MLYCD: variants seen among roughly 807,000 people sequenced by gnomAD.
MLYCD encodes the protein malonyl-CoA decarboxylase, also known as malonyl-CoA decarboxylase, mitochondrial.
In MLYCD, 27 loss-of-function variants were observed where a neutral mutation model predicts 35.8. The ratio of observed to expected loss-of-function variants is 0.75; its 90% CI spans 0.56 to 1.04. The LOEUF (loss-of-function observed/expected upper bound fraction) is 1.04, where lower values mean the gene tolerates loss of function less well. MLYCD is among the 50% of genes least tolerant of loss of function. MLYCD has a pLI of 0.00. For missense variants in MLYCD, 917 were observed against 665.1 expected, an observed-to-expected ratio of 1.38 and a Z score of -4.17; for synonymous variants, 403 against 302.4, an observed-to-expected ratio of 1.33 and a Z score of -3.45.
Position 83,899,487 on chromosome 16 carries a change from C to G in MLYCD, c.343C>G (p.Gln115Glu). 3 of 1,563,916 alleles carry G rather than the reference C, an allele frequency of 1.9e-6. No individual in the cohort carries two copies. The African/African-American group carries it at 4.2e-5, about 22-fold the overall frequency. Reference protein sequence around the residue: ...QSAGVLHLRQQQREAAVLLQA... With the variant: ...QSAGVLHLRQEQREAAVLLQA... ...CGCCGGCGTGCTCCATCTGCGCCAGCAGCAGCGGGAGGCGGCGGTGCTGCT... is the reference window on the plus strand; with the variant it reads ...CGCCGGCGTGCTCCATCTGCGCCAGGAGCAGCGGGAGGCGGCGGTGCTGCT... Residue 115 changes from glutamine to glutamate, a missense_variant, in exon 1 of 5, where the codon CAG (glutamine) becomes GAG (glutamate). By Grantham distance (29) the Gln-to-Glu change is conservative. Transcript: ENST00000262430.
chr16:83,917,157 G>T lies in MLYCD; in HGVS notation c.*1668G>T, dbSNP rs1907441735. On this transcript the variant is annotated 3_prime_UTR_variant, in exon 5 of 5. Transcript: ENST00000262430. The stretch of plus-strand genomic sequence containing the variant: ...GTTCTATGTGGATCAGTGCACGCCT[G>T]TGTGCGTGTGCACGAGCGTCTCTGT... 2 of 134,758 alleles carry T rather than the reference G, an allele frequency of 1.5e-5. No homozygotes were observed. Among genetic ancestry groups the T allele is most frequent in the Middle Eastern group, 5.1e-3 (1 of 198 alleles). 8.3% of individuals were successfully genotyped at this position (134,758 alleles called of 1,614,324 possible). A position where few individuals can be genotyped will look rare whatever the true frequency, so the allele number is the denominator to read the frequency against.
At position 83,920,797 on chromosome 16, in the gene MLYCD, C is replaced by T. The variant is rs1845135192; in HGVS notation, c.*5308C>T. ...CCTATCACCCAGCTTCCACAGTCAT[C>T]AGTGGTTTTCTGTTTTTATCAAACT... On this transcript the variant is annotated 3_prime_UTR_variant, in exon 5 of 5. Transcript: ENST00000262430. 1 of 152,254 alleles carries T rather than the reference C, an allele frequency of 6.6e-6. No individual in the cohort carries two copies. The highest frequency in any genetic ancestry group is 2.4e-5 in the African/African-American group (1 of 41,460). The allele number at this position is 152,254 out of a possible 1,614,324, so 9.4% of individuals were successfully genotyped here. A position where few individuals can be genotyped will look rare whatever the true frequency, so the allele number is the denominator to read the frequency against.
Position 83,899,547 on chromosome 16 carries a change from C to G in MLYCD, c.403C>G (p.Pro135Ala), listed in dbSNP as rs1191074675. 36 of 1,592,292 alleles carry G rather than the reference C, an allele frequency of 2.3e-5. No individual in the cohort carries two copies. The highest frequency in any genetic ancestry group is 2.9e-5 in the Non-Finnish European group (34 of 1,177,472). The change falls in exon 1 of 5, where the codon CCG (proline) becomes GCG (alanine). Residue 135 changes from proline to alanine, a missense_variant. By Grantham distance (27) the Pro-to-Ala change is conservative. Coordinates refer to ENST00000262430, the MANE Select transcript of MLYCD (RefSeq NM_012213.3). ...AEDRLRYALVPRYRGLFHHIS... is the reference protein window; with the variant it reads ...AEDRLRYALVARYRGLFHHIS... ...GGACCGGCTGCGCTACGCGCTGGTG[C>G]CGCGCTATCGCGGCCTCTTCCACCA...
chr16:83,914,951 T>TG lies in MLYCD; in HGVS notation c.949-5_949-4insG. The TG allele has an allele frequency of 6.2e-7, 1 of 1,614,240 alleles. No homozygotes were observed. Among genetic ancestry groups the TG allele is most frequent in the East Asian group, 2.2e-5 (1 of 44,886 alleles). On this transcript the variant is annotated splice_polypyrimidine_tract_variant and splice_region_variant and intron_variant, in intron 4 of 4. Transcript: ENST00000262430. Reference sequence around the variant, plus strand: ...CTTCCTTTCCACCCCAACCATGCTTTACAGAGAGAGTTTCCTCACCTTGGG... The same window carrying TG: ...CTTCCTTTCCACCCCAACCATGCTTTGACAGAGAGAGTTTCCTCACCTTGGG...
Position 83,911,798 on chromosome 16 carries a change from G to C in MLYCD, c.799-420G>C, listed in dbSNP as rs191412147. On this transcript the variant is annotated intron_variant, in intron 3 of 4. Transcript: ENST00000262430. Reference sequence around the variant, plus strand: ...AGAGAAAAGGAGGAAAAACAATTCAGTGGTGGGAAACGTCAGTCCTTTAGG... The same window carrying C: ...AGAGAAAAGGAGGAAAAACAATTCACTGGTGGGAAACGTCAGTCCTTTAGG... The C allele has an allele frequency of 1.5e-4, 36 of 235,272 alleles. No individual in the cohort carries two copies. The East Asian group carries it at 1.8e-3, about 12-fold the overall frequency. 14.6% of individuals were successfully genotyped at this position (235,272 alleles called of 1,614,324 possible). A position where few individuals can be genotyped will look rare whatever the true frequency, so the allele number is the denominator to read the frequency against.
intron 1 of MLYCD, among the ~76,000 whole-genome samples, chr16:83,902,988 T>C (rs1208717894): frequency 6.6e-6 from 1 of 152,130 alleles, no homozygotes; most frequent in African/African-American, 2.4e-5. Flanking sequence ...TATAGGCTTT[T>C]TGTTTTTCTC....
chr16:83,904,355 A>G (rs151249667), intron 1 of MLYCD, among the ~76,000 whole-genome samples: 2 of 152,170 alleles, frequency 1.3e-5, no homozygotes, highest in Admixed American at 1.3e-4. Flanking sequence ...TTACTAATGT[A>G]TTTGCAGTGT....
At chr16:83,909,414 T>C (rs1289088527) in intron 3 of MLYCD, among the ~76,000 whole-genome samples, 10 of 152,210 alleles carry the variant, frequency 6.6e-5, no homozygotes, top group Admixed American at 6.5e-4. Context: ...TGCATGTATT[T>C]AAATATTGTT....
intron 3 of MLYCD, among the ~76,000 whole-genome samples, chr16:83,910,728 G>A (rs538823441): frequency 1.4e-4 from 21 of 152,026 alleles, no homozygotes; most frequent in African/African-American, 5.1e-4. Context: ...AAGCCTGGGA[G>A]TGATGTGAAG....
At position 83,925,356 on chromosome 16, in the gene MLYCD, T is replaced by A. The variant is rs949699574; in HGVS notation, c.*9867T>A. 1.3e-5 allele frequency: 2 copies of A among 151,066 alleles called. No individual in the cohort carries two copies. Among genetic ancestry groups the A allele is most frequent in the Non-Finnish European group, 2.9e-5 (2 of 67,990 alleles). The allele number at this position is 151,066 out of a possible 1,614,324, so 9.4% of individuals were successfully genotyped here. On this transcript the variant is annotated 3_prime_UTR_variant, in exon 5 of 5. Transcript: ENST00000262430. The stretch of plus-strand genomic sequence containing the variant: ...CCCTGGGGCTCCCCTCACCCCCACC[T>A]CCCACCCGTCCCCGGGCCCCTGGAC...
intron 1 of MLYCD, among the ~76,000 whole-genome samples, chr16:83,899,987 C>G (rs1158557292): frequency 6.6e-6 from 1 of 152,182 alleles, no homozygotes; most frequent in African/African-American, 2.4e-5. Context: ...GCTCTACAGT[C>G]TTTTGAAATT....
chr16:83,907,227 C>T, intron 2 of MLYCD, 128 bp downstream of exon 2: 1 of 858,624 alleles, frequency 1.2e-6, no homozygotes, highest in East Asian at 2.7e-5. Flanking sequence ...TAATAAAATC[C>T]AAACACAGTA....
At position 83,915,277 on chromosome 16, in the gene MLYCD, C is replaced by T; in HGVS notation, c.1270C>T (p.Leu424=). Residue 424 remains leucine (L), a synonymous_variant, in exon 5 of 5, where the codon CTG becomes TTG. Transcript: ENST00000262430. Reference sequence around the variant, plus strand: ...GCTGAACCCCGTGGCCAACTTCCACCTGCAGAACGGGGCGGTGCTGTGGCG... The same window carrying T: ...GCTGAACCCCGTGGCCAACTTCCACTTGCAGAACGGGGCGGTGCTGTGGCG... ...YALNPVANFH[L]QNGAVLWRIN... The T allele has an allele frequency of 6.2e-7, 1 of 1,612,382 alleles. No individual in the cohort carries two copies.
chr16:83,903,153 A>G (rs532126138), intron 1 of MLYCD, among the ~76,000 whole-genome samples: 2 of 152,200 alleles, frequency 1.3e-5, no homozygotes, highest in South Asian at 4.1e-4. Context: ...AGGGTTCCTC[A>G]TGGGCAGTTT....
intron 4 of MLYCD, 32 bp from the exon 5 acceptor site, chr16:83,914,924 G>C: frequency 6.2e-7 from 1 of 1,614,086 alleles, no homozygotes; most frequent in Non-Finnish European, 8.5e-7. Context: ...TGTTTTCTCC[G>C]CCTTCCTTTC....
In MLYCD at chr16:83,915,822, G is replaced by A; in HGVS notation, c.*333G>A. The A allele has an allele frequency of 8.1e-7, 1 of 1,241,698 alleles. No homozygotes were observed. Among genetic ancestry groups the A allele is most frequent in the Non-Finnish European group, 1.0e-6 (1 of 979,012 alleles). 76.9% of individuals were successfully genotyped at this position (1,241,698 alleles called of 1,614,324 possible). A position where few individuals can be genotyped will look rare whatever the true frequency, so the allele number is the denominator to read the frequency against. ...ATCTTCAGGAAGCTGTGCAGCCTCT[G>A]CCATTGCCATCCCAGGGGGATCTGG... On this transcript the variant is annotated 3_prime_UTR_variant, in exon 5 of 5. Transcript: ENST00000262430.
intron 1 of MLYCD, among the ~76,000 whole-genome samples, chr16:83,900,629 T>C (rs2151053858): frequency 6.7e-6 from 1 of 149,636 alleles, no homozygotes; most frequent in East Asian, 2.0e-4. Context: ...TTTCACCATG[T>C]GGCCCAGGCT....
chr16:83,906,926 C>G, intron 1 of MLYCD, 61 bp from the exon 2 acceptor site: 3 of 1,395,904 alleles, frequency 2.1e-6, no homozygotes, highest in Non-Finnish European at 3.1e-6. Context: ...CTGACCACAA[C>G]ACAGAGATGG....
chr16:83,910,210 G>GT (rs1907126074), intron 3 of MLYCD, among the ~76,000 whole-genome samples: 10 of 143,110 alleles, frequency 7.0e-5, no homozygotes, highest in African/African-American at 2.1e-4. Context: ...TTTTATGCAT[G>GT]GTTTTTTTTT....
Sources: allele counts gnomAD v4.1 joint callset (sites outside exome capture counted in the v4.1 genomes callset), GRCh38; gene constraint gnomAD v4.1.1; transcripts MANE v1.5; gene names NCBI Gene and HGNC (gene_info 2026-07-23, HGNC 2026-07-21).